EXPH5: variants seen among roughly 807,000 people sequenced by gnomAD.
EXPH5 encodes the protein exophilin-5.
EXPH5 carries 42 observed loss-of-function variants against 41.1 expected under a neutral mutation model. That is an observed-to-expected ratio of 1.02 (90% CI 0.80 to 1.32). The LOEUF is 1.32. EXPH5 is among the 40% of genes most tolerant of loss of function. The pLI, the probability that EXPH5 is intolerant of heterozygous loss-of-function variation, is 0.00. For synonymous variants in EXPH5, 798 were observed against 833.5 expected, an observed-to-expected ratio of 0.96 and a Z score of 0.73; for missense variants, 2,298 against 2,314.5, an observed-to-expected ratio of 0.99 and a Z score of 0.15.
chr11:108,558,184 C>G (rs2093997830), intron 1 of EXPH5, among the ~76,000 whole-genome samples: 1 of 152,138 alleles, frequency 6.6e-6, no homozygotes, highest in Non-Finnish European at 1.5e-5. Context: ...CTCAAGTGAT[C>G]CCCTTGCCTC....
intron 1 of EXPH5, among the ~76,000 whole-genome samples, chr11:108,565,818 C>A (rs971564702): frequency 6.6e-6 from 1 of 152,216 alleles, no homozygotes; most frequent in African/African-American, 2.4e-5. Flanking sequence ...GTCATTTAAA[C>A]CCAGGGTGCC....
intron 1 of EXPH5, among the ~76,000 whole-genome samples, chr11:108,586,980 G>A (rs543444563): frequency 5.3e-5 from 8 of 152,238 alleles, no homozygotes; most frequent in African/African-American, 1.7e-4. Flanking sequence ...CAGAAAAACC[G>A]ACCTGAATGA....
intron 3 of EXPH5, among the ~76,000 whole-genome samples, chr11:108,533,891 C>T (rs762562416): frequency 1.3e-4 from 20 of 152,006 alleles, no homozygotes; most frequent in Non-Finnish European, 1.0e-4. Context: ...ACCTTCTGGG[C>T]TTAAGCAATC....
intron 1 of EXPH5, among the ~76,000 whole-genome samples, chr11:108,560,577 C>T (rs1419559183): frequency 6.6e-6 from 1 of 152,190 alleles, no homozygotes; most frequent in Non-Finnish European, 1.5e-5. Flanking sequence ...TATTCTGCCT[C>T]GGTGATTCAA....
intron 4 of EXPH5, among the ~76,000 whole-genome samples, chr11:108,522,396 A>C (rs757334805): frequency 6.6e-6 from 1 of 152,148 alleles, no homozygotes; most frequent in Non-Finnish European, 1.5e-5. Context: ...TAGTTCATTT[A>C]GTTTTAACTA....
At position 108,514,884 on chromosome 11, in the gene EXPH5, A is replaced by C; in HGVS notation, c.632-9T>G. 7.1e-7 allele frequency: 1 copy of C among 1,415,114 alleles called. No homozygotes were observed. Among genetic ancestry groups the C allele is most frequent in the Non-Finnish European group, 9.2e-7 (1 of 1,081,592 alleles). The allele number at this position is 1,415,114 out of a possible 1,614,324, so 87.7% of individuals were successfully genotyped here. ...ATCCAAGTCATCTAAAACTGAAAAGAGAATGTGAATCAACCTTTTTCTGTA... is the reference window on the plus strand; with the variant it reads ...ATCCAAGTCATCTAAAACTGAAAAGCGAATGTGAATCAACCTTTTTCTGTA... On this transcript the variant is annotated splice_polypyrimidine_tract_variant and intron_variant, in intron 5 of 5. Coordinates refer to ENST00000265843, the MANE Select transcript of EXPH5 (RefSeq NM_015065.3).
intron 1 of EXPH5, among the ~76,000 whole-genome samples, chr11:108,547,890 A>AC (rs1266219283): frequency 5.9e-5 from 9 of 152,038 alleles, no homozygotes; most frequent in Non-Finnish European, 1.3e-4. Context: ...CAGGTGGATC[A>AC]CCTGAGGTCA....
At chr11:108,543,933 A>G (rs190950520) in intron 1 of EXPH5, among the ~76,000 whole-genome samples, 2 of 152,254 alleles carry the variant, frequency 1.3e-5, no homozygotes, top group Admixed American at 1.3e-4. Context: ...TCTGCTTCTA[A>G]CCAATATTGG....
At chr11:108,571,629 C>T (rs959060119) in intron 1 of EXPH5, among the ~76,000 whole-genome samples, 5 of 152,126 alleles carry the variant, frequency 3.3e-5, no homozygotes, top group African/African-American at 1.2e-4. Flanking sequence ...AGGGCAAACT[C>T]GAGTGCAAAT....
chr11:108,562,411 G>C (rs1358063371), intron 1 of EXPH5, among the ~76,000 whole-genome samples: 3 of 151,396 alleles, frequency 2.0e-5, no homozygotes, highest in African/African-American at 7.3e-5. Flanking sequence ...AGCCAACATG[G>C]AGAAACCCGT....
At chr11:108,606,401 C>G in the EXPH5 span, among the ~76,000 whole-genome samples, 1 of 152,196 alleles carries the variant, frequency 6.6e-6, no homozygotes, top group African/African-American at 2.4e-5. Context: ...CTTACCCATC[C>G]TAAGTCTTGG....
chr11:108,553,002 C>T (rs531260019), intron 1 of EXPH5, among the ~76,000 whole-genome samples: 222 of 152,242 alleles, frequency 1.5e-3, no homozygotes, highest in African/African-American at 5.2e-3. Flanking sequence ...TTGAAACCAG[C>T]CTGGCCAACA....
At chr11:108,525,428 C>T (rs2093792189) in intron 4 of EXPH5, among the ~76,000 whole-genome samples, 1 of 152,154 alleles carries the variant, frequency 6.6e-6, no homozygotes, top group South Asian at 2.1e-4. Flanking sequence ...CCTAAACATC[C>T]TGCAATACGC....
In EXPH5 at chr11:108,510,370, G is replaced by A. The variant is rs760505565; in HGVS notation, c.5137C>T (p.His1713Tyr). 1.1e-5 allele frequency: 17 copies of A among 1,614,004 alleles called. No homozygotes were observed. The Admixed American group carries it at 2.7e-4, about 25-fold the overall frequency. The change falls in exon 6 of 6, where the codon CAT (histidine) becomes TAT (tyrosine). Residue 1713 changes from histidine (H) to tyrosine (Y), a missense_variant. By Grantham distance (83) the His-to-Tyr change is moderately conservative (BLOSUM62 2). Coordinates refer to ENST00000265843, the MANE Select transcript of EXPH5 (RefSeq NM_015065.3). ...GCTGTGACGTCTTTAGAATTCTCATGCTTTGATGGTGATTCTGAGACGTTT... is the reference window on the plus strand; with the variant it reads ...GCTGTGACGTCTTTAGAATTCTCATACTTTGATGGTGATTCTGAGACGTTT... ...FKNVSESPSKHENSKDVTAAQ... is the reference protein window; with the variant it reads ...FKNVSESPSKYENSKDVTAAQ...
intron 4 of EXPH5, among the ~76,000 whole-genome samples, chr11:108,521,192 G>A (rs1462438747): frequency 6.6e-6 from 1 of 152,018 alleles, no homozygotes; most frequent in Non-Finnish European, 1.5e-5. Flanking sequence ...ACTATGTTTT[G>A]TCTCATCTTT....
chr11:108,518,471 G>T, intron 4 of EXPH5, 98 bp from the exon 5 acceptor site: 1 of 1,053,096 alleles, frequency 9.5e-7, no homozygotes, highest in Non-Finnish European at 1.4e-6. Flanking sequence ...AAAAGTATTA[G>T]TCTAAGGACT....
At chr11:108,538,873 C>T (rs2093895920) in intron 3 of EXPH5, 151 bp downstream of exon 3, 1 of 633,248 alleles carries the variant, frequency 1.6e-6, no homozygotes. Flanking sequence ...AACTTTGTCA[C>T]TATGCAAGTT....
Position 108,514,490 on chromosome 11 carries a change from T to C in EXPH5, c.1017A>G (p.Ala339=). The C allele has an allele frequency of 6.2e-7, 1 of 1,612,992 alleles. No individual in the cohort carries two copies. Among genetic ancestry groups the C allele is most frequent in the East Asian group, 2.2e-5 (1 of 44,882 alleles). The part of the protein sequence containing the change: ...SALPATGHFT[A]RSLHFPATTQ... The stretch of plus-strand genomic sequence containing the variant: ...TTGTGGCTGGAAAATGTAAGCTTCT[T>C]GCTGTGAAATGCCCTGTGGCTGGTA... Residue 339 remains alanine (A), a synonymous_variant, in exon 6 of 6, where the codon GCA becomes GCG. Transcript: ENST00000265843.
At chr11:108,577,419 T>C (rs1449680830) in intron 1 of EXPH5, among the ~76,000 whole-genome samples, 3 of 152,066 alleles carry the variant, frequency 2.0e-5, no homozygotes, top group Non-Finnish European at 4.4e-5. Context: ...ATTTTATTTA[T>C]TTATTTTTTG....
Sources: allele counts gnomAD v4.1 joint callset (sites outside exome capture counted in the v4.1 genomes callset), GRCh38; gene constraint gnomAD v4.1.1; transcripts MANE v1.5; gene names NCBI Gene and HGNC (gene_info 2026-07-23, HGNC 2026-07-21).